TRHDE: variants seen among roughly 807,000 people sequenced by gnomAD.
TRHDE encodes thyrotropin-releasing hormone-degrading ectoenzyme.
In TRHDE, 72 loss-of-function variants were observed where a neutral mutation model predicts 125.7. The ratio of observed to expected loss-of-function variants is 0.57; its 90% CI spans 0.47 to 0.70. The LOEUF (loss-of-function observed/expected upper bound fraction) is 0.70. Ranked by LOEUF, TRHDE falls within the 30% of genes least tolerant of loss-of-function variation. The pLI is 0.00. For synonymous variants in TRHDE, 509 were observed against 509.1 expected, an observed-to-expected ratio of 1.00 and a Z score of 0.00; for missense variants, 1,110 against 1,327.1, an observed-to-expected ratio of 0.84 and a Z score of 2.54.
intron 6 of TRHDE, among the ~76,000 whole-genome samples, chr12:72,538,113 G>GA (rs1002268889): frequency 5.3e-5 from 8 of 151,888 alleles, no homozygotes; most frequent in Non-Finnish European, 1.2e-4. Context: ...TTGCTTTGCA[G>GA]AAAAAAATTT....
chr12:72,286,976 A>G, intron 2 of TRHDE, 22 bp downstream of exon 2: 1 of 1,608,468 alleles, frequency 6.2e-7, no homozygotes, highest in Non-Finnish European at 8.5e-7. Flanking sequence ...CAGCTTAATG[A>G]TGTTTTTGGA....
At chr12:72,377,873 G>T in intron 2 of TRHDE, 122 bp from the exon 3 acceptor site, 1 of 667,072 alleles carries the variant, frequency 1.5e-6, no homozygotes, top group South Asian at 3.2e-5. Flanking sequence ...TATAGTGTAT[G>T]AACGAGAATC....
chr12:72,114,294 C>CATTTT, intron 2 of TRHDE, among the ~76,000 whole-genome samples: 1 of 152,236 alleles, frequency 6.6e-6, no homozygotes, highest in Admixed American at 6.5e-5. Flanking sequence ...GATGTGTCCA[C>CATTTT]CCCTGTGCAG....
chr12:72,580,939 T>G (rs1402433444), intron 12 of TRHDE, among the ~76,000 whole-genome samples: 1 of 152,160 alleles, frequency 6.6e-6, no homozygotes, highest in Non-Finnish European at 1.5e-5. Flanking sequence ...AAAGAATTAG[T>G]GTGGCCTAGG....
intron 6 of TRHDE, among the ~76,000 whole-genome samples, chr12:72,530,486 A>G (rs2135973936): frequency 7.7e-6 from 1 of 129,076 alleles, no homozygotes; most frequent in Non-Finnish European, 1.6e-5. Flanking sequence ...TCTTTGAGGA[A>G]CTTAATTACT....
At chr12:72,493,091 CAT>C (rs1160511815) in intron 5 of TRHDE, among the ~76,000 whole-genome samples, 3 of 151,846 alleles carry the variant, frequency 2.0e-5, no homozygotes, top group Non-Finnish European at 2.9e-5. Context: ...AGTCAGGAAA[CAT>C]ATGTGGAATT....
chr12:72,498,828 T>C (rs1343764445), intron 5 of TRHDE, among the ~76,000 whole-genome samples: 1 of 152,192 alleles, frequency 6.6e-6, no homozygotes, highest in East Asian at 1.9e-4. Context: ...TGGCAATGGA[T>C]TATTAATACC....
At chr12:72,370,769 G>A (rs1871544165) in intron 2 of TRHDE, among the ~76,000 whole-genome samples, 1 of 150,848 alleles carries the variant, frequency 6.6e-6, no homozygotes, top group African/African-American at 2.4e-5. Flanking sequence ...TTGAGATGGA[G>A]TCTTGCTCTG....
chr12:72,289,788 A>G (rs1459975256), intron 2 of TRHDE, among the ~76,000 whole-genome samples: 1 of 152,186 alleles, frequency 6.6e-6, no homozygotes, highest in African/African-American at 2.4e-5. Context: ...AGAGAGTGAT[A>G]TATGCTATTA....
At chr12:72,636,484 A>G (rs1473872433) in intron 15 of TRHDE, among the ~76,000 whole-genome samples, 3 of 151,142 alleles carry the variant, frequency 2.0e-5, no homozygotes, top group Non-Finnish European at 2.9e-5. Flanking sequence ...TCCTAATTGA[A>G]TACCCTTTAT....
intron 7 of TRHDE, among the ~76,000 whole-genome samples, chr12:72,551,372 G>A (rs1292582743): frequency 6.6e-6 from 1 of 151,900 alleles, no homozygotes; most frequent in Non-Finnish European, 1.5e-5. Flanking sequence ...TTTTCCAATC[G>A]GTCTCCTGTA....
chr12:72,278,379 A>G (rs1818169793), intron 1 of TRHDE, among the ~76,000 whole-genome samples: 2 of 152,198 alleles, frequency 1.3e-5, no homozygotes, highest in Admixed American at 6.5e-5. Flanking sequence ...GGCTACTGTG[A>G]ATAATGCTGC....
intron 5 of TRHDE, among the ~76,000 whole-genome samples, chr12:72,477,635 C>T (rs1876959920): frequency 6.6e-6 from 1 of 152,092 alleles, no homozygotes; most frequent in Non-Finnish European, 1.5e-5. Flanking sequence ...TGTGTTTCCT[C>T]AAAAGAGATA....
intron 2 of TRHDE, among the ~76,000 whole-genome samples, chr12:72,163,794 T>C (rs1419178748): frequency 6.6e-6 from 1 of 152,192 alleles, no homozygotes; most frequent in Non-Finnish European, 1.5e-5. Context: ...TTAGTTTAAT[T>C]GTCCTACAAC....
chr12:72,511,054 TAAGA>T (rs1379802386), intron 6 of TRHDE, among the ~76,000 whole-genome samples: 1 of 152,150 alleles, frequency 6.6e-6, no homozygotes, highest in Non-Finnish European at 1.5e-5. Flanking sequence ...TCAGTTAATA[TAAGA>T]AAGAACTTCT....
intron 5 of TRHDE, among the ~76,000 whole-genome samples, chr12:72,475,331 T>G (rs551630965): frequency 6.6e-6 from 1 of 152,170 alleles, no homozygotes; most frequent in African/African-American, 2.4e-5. Flanking sequence ...TTAAAAGATG[T>G]CCTTATTACA....
At chr12:72,092,535 T>G (rs1874815689) in intron 1 of TRHDE, among the ~76,000 whole-genome samples, 1 of 152,190 alleles carries the variant, frequency 6.6e-6, no homozygotes, top group Non-Finnish European at 1.5e-5. Context: ...CAGGTCTTCC[T>G]GTGTGGAAGC....
intron 7 of TRHDE, among the ~76,000 whole-genome samples, chr12:72,556,290 C>A (rs1373159336): frequency 6.6e-6 from 1 of 152,142 alleles, no homozygotes. Context: ...GCAACAGAAA[C>A]AAATTCTGGT....
chr12:72,282,660 T>C (rs1879739095), intron 1 of TRHDE, among the ~76,000 whole-genome samples: 1 of 152,182 alleles, frequency 6.6e-6, no homozygotes, highest in Admixed American at 6.5e-5. Context: ...ACAAACTTAA[T>C]ATGTGAGTGA....
Sources: gnomAD v4.1 joint callset for allele counts (sites outside exome capture counted in the v4.1 genomes callset) on GRCh38, gnomAD v4.1.1 for gene constraint, MANE v1.5 for transcripts, NCBI Gene and HGNC (gene_info 2026-07-23, HGNC 2026-07-21) for gene names.